The following IDO2 variants were observed in gnomAD, a reference collection of about 807,000 sequenced individuals.
The protein encoded by IDO2 is indoleamine 2,3-dioxygenase-like 1 protein.
A neutral mutation model predicts 45.1 loss-of-function variants in IDO2; 46 were observed. The observed-to-expected ratio is 1.02, with a 90% CI of 0.80 to 1.30. The LOEUF (loss-of-function observed/expected upper bound fraction) is 1.30, where lower values mean the gene tolerates loss of function less well. Ranked by LOEUF, IDO2 falls within the 50% of genes most tolerant of loss-of-function variation. The pLI, the probability that IDO2 is intolerant of heterozygous loss-of-function variation, is 0.00. For missense variants in IDO2, 544 were observed against 491.8 expected (o/e 1.11, Z -1.00); for synonymous variants, 218 against 184.9 (o/e 1.18, Z -1.45).
At chr8:39,985,236 A>C in intron 5 of IDO2, 1 of 495,016 alleles carries the variant, frequency 2.0e-6, no homozygotes, top group East Asian at 3.5e-5. Context: ...GCCTAATAAT[A>C]TATTAAGATG....
intron 3 of IDO2, among the ~76,000 whole-genome samples, chr8:39,966,537 C>G (rs1055360542): frequency 5.9e-5 from 9 of 152,188 alleles, no homozygotes; most frequent in African/African-American, 2.2e-4. Flanking sequence ...AACATGTGTT[C>G]TCTGGATCCT....
chr8:39,991,157 GTAGAAATCTATCTGAAGTCACAGGAT>G, intron 8 of IDO2, among the ~76,000 whole-genome samples: 1 of 152,332 alleles, frequency 6.6e-6, no homozygotes, highest in African/African-American at 2.4e-5. Context: ...CTCAGCACTA[GTAGAAATCTATCTGAAGTCACAGGAT>G]TAGGTATTAT....
Position 39,999,954 on chromosome 8 carries a change from C to T in IDO2, c.668-5373C>T, listed in dbSNP as rs190418856. 1.7e-3 allele frequency among the ~76,000 whole-genome samples: 257 copies of T among 152,284 alleles called. 5 individuals are homozygous for T. The highest frequency in any genetic ancestry group is 5.8e-4 in the East Asian group (3 of 5,190). On this transcript the variant is annotated intron_variant, in intron 8 of 10. Coordinates refer to ENST00000502986, the Ensembl canonical transcript of IDO2. The stretch of plus-strand genomic sequence containing the variant: ...GGGTCAGGAATGGGAGGAAAGCATA[C>T]TTCTCATTAGATACCTTGTTGAACT...
intron 3 of IDO2, among the ~76,000 whole-genome samples, chr8:39,973,996 T>C (rs887980897): frequency 2.6e-5 from 4 of 152,150 alleles, no homozygotes; most frequent in Non-Finnish European, 5.9e-5. Context: ...TGCCTTGGCC[T>C]CTCAAAGTGC....
chr8:39,944,439 C>T (rs1807701939), intron 1 of IDO2, among the ~76,000 whole-genome samples: 1 of 152,152 alleles, frequency 6.6e-6, no homozygotes, highest in African/African-American at 2.4e-5. Flanking sequence ...CTTGTTTCCA[C>T]CTGAATTGAC....
intron 1 of IDO2, among the ~76,000 whole-genome samples, chr8:39,946,566 C>T (rs1419105312): frequency 1.3e-5 from 2 of 152,142 alleles, no homozygotes; most frequent in East Asian, 1.9e-4. Context: ...GAGATCATGC[C>T]ACTGCACTCC....
chr8:39,994,765 C>G (rs1284326936), intron 8 of IDO2, among the ~76,000 whole-genome samples: 1 of 151,930 alleles, frequency 6.6e-6, no homozygotes. Flanking sequence ...CTCAAACTTC[C>G]TTTTAGGCAG....
exon 10 of IDO2, chr8:40,013,675 T>G: frequency 6.2e-7 from 1 of 1,613,758 alleles, no homozygotes; most frequent in Non-Finnish European, 8.5e-7. Flanking sequence ...CTTCATGCCT[T>G]TGATGAGTTC....
chr8:39,972,059 C>A (rs1808187498), intron 3 of IDO2, among the ~76,000 whole-genome samples: 1 of 152,288 alleles, frequency 6.6e-6, no homozygotes, highest in Admixed American at 6.5e-5. Flanking sequence ...ATCCACCCAC[C>A]TTGGCCTCCC....
chr8:39,994,999 C>G (rs750939572), intron 8 of IDO2: 8 of 152,184 alleles, frequency 5.3e-5, no homozygotes, highest in African/African-American at 1.2e-4. Flanking sequence ...TCATAGCCCT[C>G]GCTCGCTTCT....
At chr8:39,959,512 A>G (rs1014570457) in intron 2 of IDO2, among the ~76,000 whole-genome samples, 9 of 152,238 alleles carry the variant, frequency 5.9e-5, no homozygotes, top group Non-Finnish European at 8.8e-5. Context: ...TTATGTCAAC[A>G]CTATTTTCTC....
At chr8:40,009,465 T>G (rs1049610860) in intron 9 of IDO2, among the ~76,000 whole-genome samples, 3 of 152,164 alleles carry the variant, frequency 2.0e-5, no homozygotes, top group Non-Finnish European at 2.9e-5. Flanking sequence ...TCTCATTTTT[T>G]TTTCCCCACT....
chr8:39,995,428 A>AG (rs1019840453), intron 8 of IDO2, among the ~76,000 whole-genome samples: 1 of 151,126 alleles, frequency 6.6e-6, no homozygotes, highest in Non-Finnish European at 1.5e-5. Flanking sequence ...TTACAGGTGC[A>AG]TGCCACCACG....
exon 11 of IDO2, chr8:40,015,504 G>A: frequency 1.2e-6 from 2 of 1,613,914 alleles, no homozygotes; most frequent in Non-Finnish European, 1.7e-6. Context: ...GCCTCCTCAG[G>A]CTTTAAAAGA....
intron 2 of IDO2, among the ~76,000 whole-genome samples, chr8:39,949,665 A>G (rs1807785411): frequency 6.6e-6 from 1 of 152,230 alleles, no homozygotes; most frequent in African/African-American, 2.4e-5. Flanking sequence ...GAGTACCTGG[A>G]ATTTCTCTGT....
intron 3 of IDO2, among the ~76,000 whole-genome samples, chr8:39,973,016 T>C (rs1316283891): frequency 1.3e-5 from 2 of 152,208 alleles, no homozygotes; most frequent in Non-Finnish European, 2.9e-5. Context: ...TTTATTGGGA[T>C]AGTCACTTTA....
chr8:39,975,169 TTG>T (rs199501749), intron 3 of IDO2, among the ~76,000 whole-genome samples: 12 of 18,986 alleles, frequency 6.3e-4, no homozygotes, highest in East Asian at 3.2e-3. Flanking sequence ...GTTTTTTTTT[TTG>T]TTTTTTTTTT....
At chr8:39,972,009 C>A (rs1470087827) in intron 3 of IDO2, among the ~76,000 whole-genome samples, 1 of 152,088 alleles carries the variant, frequency 6.6e-6, no homozygotes, top group Non-Finnish European at 1.5e-5. Flanking sequence ...GGGGTTTTTC[C>A]ATGTTGGCCA....
exon 9 of IDO2, chr8:40,005,363 G>T: frequency 6.4e-7 from 1 of 1,570,300 alleles, no homozygotes; most frequent in Non-Finnish European, 8.7e-7. Flanking sequence ...GCAGGCATCC[G>T]GATCTTTCTC....
Sources: allele counts gnomAD v4.1 joint callset (sites outside exome capture counted in the v4.1 genomes callset), GRCh38; gene constraint gnomAD v4.1.1; transcripts MANE v1.5; gene names NCBI Gene and HGNC (gene_info 2026-07-23, HGNC 2026-07-21).